The following TEKT1 variants were observed in gnomAD, a reference collection of about 807,000 sequenced individuals.
TEKT1 encodes the protein tektin 1, also known as tektin-1.
In TEKT1, 32 loss-of-function variants were observed where a neutral mutation model predicts 34.8. The observed-to-expected ratio is 0.92, with a 90% CI of 0.69 to 1.23. TEKT1 has a LOEUF of 1.23. TEKT1 is among the 50% of genes most tolerant of loss of function. The pLI is 0.00. For synonymous variants in TEKT1, 207 were observed against 199.8 expected (o/e 1.04, Z -0.30); for missense variants, 492 against 518.5 (o/e 0.95, Z 0.50).
At chr17:6,818,971 CAT>C (rs1567680438) in intron 3 of TEKT1, among the ~76,000 whole-genome samples, 1 of 152,160 alleles carries the variant, frequency 6.6e-6, no homozygotes, top group Non-Finnish European at 1.5e-5. Flanking sequence ...CTAGTCCTAA[CAT>C]ATTTGAGTTG....
At chr17:6,814,624 G>A (rs968751642) in intron 5 of TEKT1, among the ~76,000 whole-genome samples, 4 of 152,138 alleles carry the variant, frequency 2.6e-5, no homozygotes, top group African/African-American at 9.7e-5. Flanking sequence ...AGATCACGAG[G>A]TCAGGAGATT....
At position 6,800,051 on chromosome 17, in the gene TEKT1, G is replaced by T; in HGVS notation, c.1233C>A (p.Gly411=). Reference sequence around the variant, plus strand: ...ATTAGCAGACAGCATCAGGGCGGAGGCCCCCAGCCCAGACCCCATGGTCTT... The same window carrying T: ...ATTAGCAGACAGCATCAGGGCGGAGTCCCCCAGCCCAGACCCCATGGTCTT... ...DGEDHGVWAG[G]LRPDAVC is the part of the protein sequence containing the mutation. Residue 411 remains glycine, a synonymous_variant, in exon 8 of 8, where the codon GGC becomes GGA. Transcript: ENST00000338694. The T allele has an allele frequency of 6.2e-7, 1 of 1,610,384 alleles. No homozygotes were observed.
At chr17:6,803,865 T>C (rs574842847) in intron 6 of TEKT1, among the ~76,000 whole-genome samples, 4 of 152,274 alleles carry the variant, frequency 2.6e-5, no homozygotes, top group Non-Finnish European at 5.9e-5. Flanking sequence ...TACTGGAGCC[T>C]TGTAGTATAG....
chr17:6,813,111 G>A lies in TEKT1; in HGVS notation c.630-58C>T, dbSNP rs562633181. 425 of 1,470,338 alleles carry A rather than the reference G, an allele frequency of 2.9e-4. 2 individuals are homozygous for A. The highest frequency in any genetic ancestry group is 1.5e-3 in the Middle Eastern group (8 of 5,486). The allele number at this position is 1,470,338 out of a possible 1,614,324, so 91.1% of individuals were successfully genotyped here. On this transcript the variant is annotated intron_variant, in intron 5 of 7. Transcript: ENST00000338694. ...TATTTGGGGTGGGGAAGGGGGTTGG[G>A]AGAGAGGGACGAGCTACACCTTCCC...
At chr17:6,800,630 C>T in intron 7 of TEKT1, 117 bp downstream of exon 7, 2 of 1,298,434 alleles carry the variant, frequency 1.5e-6, no homozygotes, top group East Asian at 4.8e-5. Flanking sequence ...GGGCATTCCT[C>T]AAGCATTCCA....
intron 3 of TEKT1, 55 bp downstream of exon 3, chr17:6,819,138 C>A: frequency 6.3e-7 from 1 of 1,575,900 alleles, no homozygotes; most frequent in Non-Finnish European, 8.6e-7. Context: ...GCATTTACTA[C>A]CCAGCATCTC....
intron 6 of TEKT1, among the ~76,000 whole-genome samples, chr17:6,810,235 A>C (rs1976908918): frequency 6.6e-6 from 1 of 152,212 alleles, no homozygotes; most frequent in Non-Finnish European, 1.5e-5. Flanking sequence ...GATGTTGAGC[A>C]TCTTTTCGTA....
intron 6 of TEKT1, among the ~76,000 whole-genome samples, chr17:6,804,897 A>T (rs1001448815): frequency 6.6e-6 from 1 of 152,192 alleles, no homozygotes; most frequent in Non-Finnish European, 1.5e-5. Flanking sequence ...ATCAATGTTC[A>T]TCAGGGATAT....
chr17:6,803,589 T>C (rs1976806599), intron 6 of TEKT1, among the ~76,000 whole-genome samples: 1 of 152,242 alleles, frequency 6.6e-6, no homozygotes, highest in Admixed American at 6.5e-5. Context: ...TTTTATGGTT[T>C]TAGGTCTAAC....
intron 2 of TEKT1, among the ~76,000 whole-genome samples, chr17:6,819,841 C>A (rs1977061424): frequency 6.6e-6 from 1 of 152,180 alleles, no homozygotes; most frequent in Non-Finnish European, 1.5e-5. Flanking sequence ...GCATCCGCCA[C>A]CACACCCGGC....
chr17:6,803,860 G>T (rs141267921), intron 6 of TEKT1, among the ~76,000 whole-genome samples: 12,939 of 152,016 alleles, frequency 0.085, 664 homozygotes, highest in Middle Eastern at 0.19. Flanking sequence ...TTGGTTACTG[G>T]AGCCTTGTAG....
In TEKT1 at chr17:6,813,010, C is replaced by T. The variant is rs766667875; in HGVS notation, c.673G>A (p.Val225Met). ...EDWLDFSSTNVEKADKQRNNS... is the reference protein window; with the variant it reads ...EDWLDFSSTNMEKADKQRNNS... Reference sequence around the variant, plus strand: ...TTCCGCTGCTTGTCAGCCTTCTCCACATTGGTGCTGGAGAAGTCCAACCAG... The same window carrying T: ...TTCCGCTGCTTGTCAGCCTTCTCCATATTGGTGCTGGAGAAGTCCAACCAG... Residue 225 changes from valine (V) to methionine (M), a missense_variant, in exon 6 of 8, where the codon GTG (valine) becomes ATG (methionine). Val to Met is a conservative substitution (Grantham distance 21). Coordinates refer to ENST00000338694, the MANE Select transcript of TEKT1 (RefSeq NM_053285.2). The T allele has an allele frequency of 8.7e-6, 14 of 1,614,180 alleles. No individual in the cohort carries two copies. Among genetic ancestry groups the T allele is most frequent in the Non-Finnish European group, 1.1e-5 (13 of 1,180,042 alleles).
At position 6,809,221 on chromosome 17, in the gene TEKT1, G is replaced by A. The variant is rs557233990; in HGVS notation, c.852+3610C>T. Among the ~76,000 whole-genome samples, 3 of 152,012 alleles carry A rather than the reference G, an allele frequency of 2.0e-5. No individual in the cohort carries two copies. In the East Asian group the frequency reaches 5.8e-4, roughly 29 times the overall value. On this transcript the variant is annotated intron_variant, in intron 6 of 7. Coordinates refer to ENST00000338694, the MANE Select transcript of TEKT1 (RefSeq NM_053285.2). ...TCACTCTTTGTGTTGTACAATCTAT[G>A]AGTTTTGTTTGTTTGTTTGCTTTTG... is the stretch of plus-strand genomic sequence containing the variant.
chr17:6,830,559 C>T (rs1417104557), intron 1 of TEKT1, among the ~76,000 whole-genome samples, 166 bp from the exon 2 acceptor site: 1 of 152,136 alleles, frequency 6.6e-6, no homozygotes, highest in Non-Finnish European at 1.5e-5. Context: ...ACAAGCATTA[C>T]CAGCATCTCT....
chr17:6,809,255 G>A (rs1043373339), intron 6 of TEKT1, among the ~76,000 whole-genome samples: 2 of 151,954 alleles, frequency 1.3e-5, no homozygotes, highest in Non-Finnish European at 2.9e-5. Flanking sequence ...TGTTTTTTAT[G>A]GAGTCTTACT....
chr17:6,805,130 C>T (rs1339199045), intron 6 of TEKT1, among the ~76,000 whole-genome samples: 2 of 152,136 alleles, frequency 1.3e-5, no homozygotes, highest in Non-Finnish European at 2.9e-5. Flanking sequence ...TAACTATTGC[C>T]TCAATTTCAG....
At chr17:6,825,872 G>C (rs1270306546) in intron 2 of TEKT1, among the ~76,000 whole-genome samples, 1 of 146,518 alleles carries the variant, frequency 6.8e-6, no homozygotes, top group African/African-American at 2.8e-5. Flanking sequence ...CATGTGGGTA[G>C]TTTCCAGTTG....
Position 6,800,245 on chromosome 17 carries a change from G to C in TEKT1, c.1050-11C>G. On this transcript the variant is annotated splice_polypyrimidine_tract_variant and intron_variant, in intron 7 of 7. Coordinates refer to ENST00000338694, the MANE Select transcript of TEKT1 (RefSeq NM_053285.2). ...AAAGTTTCCTTCAATCTAGGAGAAA[G>C]GGAAGAAGAGAAGAGAATAATTTCT... The C allele has an allele frequency of 6.2e-7, 1 of 1,610,482 alleles. No homozygotes were observed. Among genetic ancestry groups the C allele is most frequent in the Admixed American group, 1.7e-5 (1 of 59,212 alleles).
intron 2 of TEKT1, among the ~76,000 whole-genome samples, chr17:6,823,055 T>C (rs1977115127): frequency 6.6e-6 from 1 of 152,216 alleles, no homozygotes; most frequent in East Asian, 1.9e-4. Flanking sequence ...TGGCTACCAG[T>C]GTCTTAGGAA....
Sources: allele counts gnomAD v4.1 joint callset (sites outside exome capture counted in the v4.1 genomes callset), GRCh38; gene constraint gnomAD v4.1.1; transcripts MANE v1.5; gene names NCBI Gene and HGNC (gene_info 2026-07-23, HGNC 2026-07-21).